The following GAB1 variants were observed in gnomAD, a reference collection of about 807,000 sequenced individuals.
GAB1 encodes the protein GRB2 associated binding protein 1.
Under a neutral mutation model 66.5 loss-of-function variants are expected in GAB1, and 19 were observed. The ratio of observed to expected loss-of-function variants is 0.29; its 90% CI spans 0.20 to 0.42. The LOEUF is 0.42. Among genes scored for constraint, GAB1 ranks in the 10% least tolerant of loss-of-function variants. GAB1 has a pLI of 1.00. For missense variants in GAB1, 732 were observed against 858.5 expected (o/e 0.85, Z 1.84); for synonymous variants, 294 against 301.4 (o/e 0.98, Z 0.25).
chr4:143,439,572 C>T, intron 4 of GAB1: 1 of 451,074 alleles, frequency 2.2e-6, no homozygotes, highest in Non-Finnish European at 4.0e-6. Context: ...CATTCACTCA[C>T]ACTCAAAATT....
At chr4:143,400,119 T>A (rs1731689043) in intron 1 of GAB1, among the ~76,000 whole-genome samples, 1 of 152,102 alleles carries the variant, frequency 6.6e-6, no homozygotes, top group African/African-American at 2.4e-5. Context: ...TGTTTTGTAT[T>A]TTTAGTAGAG....
intron 6 of GAB1, among the ~76,000 whole-genome samples, chr4:143,441,899 T>G (rs2149761174): frequency 6.6e-6 from 1 of 152,310 alleles, no homozygotes. Flanking sequence ...CACTTTAGAT[T>G]GCTTAGAGAT....
At chr4:143,468,209 T>C (rs796948216) in intron 9 of GAB1, among the ~76,000 whole-genome samples, 3 of 50,974 alleles carry the variant, frequency 5.9e-5, no homozygotes, top group African/African-American at 2.9e-4. Flanking sequence ...GTTTGAATTC[T>C]TTTTTTTTTT....
At position 143,456,451 on chromosome 4, in the gene GAB1, C is replaced by T. The variant is rs532466370; in HGVS notation, c.1586-2934C>T. 3.4e-3 allele frequency among the ~76,000 whole-genome samples: 322 copies of T among 94,888 alleles called. 1 individual carries two copies. Among genetic ancestry groups the T allele is most frequent in the Admixed American group, 4.4e-3 (47 of 10,598 alleles). 62.3% of individuals were successfully genotyped at this position (94,888 alleles called of 152,430 possible). A position where few individuals can be genotyped will look rare whatever the true frequency, so the allele number is the denominator to read the frequency against. On this transcript the variant is annotated intron_variant, in intron 6 of 9. Transcript: ENST00000262994. ...TAGCCTGGGCGACTGAGAGAGACTC[C>T]GTCTCAAAAAAAAAAAAAAAGTTGT...
chr4:143,440,395 T>G lies in GAB1; in HGVS notation c.1585+13T>G, dbSNP rs897488918. On this transcript the variant is annotated intron_variant, in intron 6 of 9. Coordinates refer to ENST00000262994, the MANE Select transcript of GAB1 (RefSeq NM_002039.4). ...CCAGACAGAAAAGGTAAGGAGAGCATGGCAAAGTAAAAGGCTTGGGGAGTG... is the reference window on the plus strand; with the variant it reads ...CCAGACAGAAAAGGTAAGGAGAGCAGGGCAAAGTAAAAGGCTTGGGGAGTG... The G allele has an allele frequency of 1.9e-6, 3 of 1,585,516 alleles. No individual in the cohort carries two copies. Among genetic ancestry groups the G allele is most frequent in the Non-Finnish European group, 1.7e-6 (2 of 1,166,846 alleles).
chr4:143,468,146 C>T lies in GAB1; in HGVS notation c.1927-885C>T, dbSNP rs187882920. Among the ~76,000 whole-genome samples, 3 of 150,086 alleles carry T rather than the reference C, an allele frequency of 2.0e-5. No individual in the cohort carries two copies. In the East Asian group the frequency reaches 5.9e-4, roughly 30 times the overall value. On this transcript the variant is annotated intron_variant, in intron 9 of 9. Coordinates refer to ENST00000262994, the MANE Select transcript of GAB1 (RefSeq NM_002039.4). The stretch of plus-strand genomic sequence containing the variant: ...TCAGGTTGTCTATGTTAAGATGAAA[C>T]AGGCATCTGCTGTCCCTATTTTTTA...
At chr4:143,427,315 C>T (rs998980574) in intron 2 of GAB1, among the ~76,000 whole-genome samples, 30 of 152,110 alleles carry the variant, frequency 2.0e-4, no homozygotes, top group Admixed American at 1.8e-3. Flanking sequence ...AGTCAGATCC[C>T]CCTCAGAGGC....
rs1735952214 is a variant in GAB1 at position 143,469,028 on chromosome 4, T to C, written c.1927-3T>C. 6.2e-7 allele frequency: 1 copy of C among 1,613,238 alleles called. No homozygotes were observed. Among genetic ancestry groups the C allele is most frequent in the Non-Finnish European group, 8.5e-7 (1 of 1,179,512 alleles). On this transcript the variant is annotated splice_polypyrimidine_tract_variant and splice_region_variant and intron_variant, in intron 9 of 9. Transcript: ENST00000262994. ...GACTTTTTGTTTTTTCTTTGTGTTTTAGCAAAAGAGCAGTGGCTCAGGCAG... is the reference window on the plus strand; with the variant it reads ...GACTTTTTGTTTTTTCTTTGTGTTTCAGCAAAAGAGCAGTGGCTCAGGCAG...
intron 8 of GAB1, 124 bp downstream of exon 8, chr4:143,460,611 A>G: frequency 1.2e-6 from 1 of 813,288 alleles, no homozygotes; most frequent in South Asian, 2.5e-5. Flanking sequence ...GTAAAAGACA[A>G]CTTTTAAAAA....
At chr4:143,411,419 G>T (rs1212601996) in intron 1 of GAB1, among the ~76,000 whole-genome samples, 2 of 152,160 alleles carry the variant, frequency 1.3e-5, no homozygotes, top group African/African-American at 4.8e-5. Context: ...GCAAATTTCA[G>T]CTTCTTCATT....
chr4:143,373,044 A>ACACACACACACAC (rs1560725364), intron 1 of GAB1, among the ~76,000 whole-genome samples: 26 of 148,264 alleles, frequency 1.8e-4, no homozygotes, highest in Non-Finnish European at 3.3e-4. Flanking sequence ...TTCCTTTAAA[A>ACACACACACACAC]ACACACACAC....
Position 143,438,066 on chromosome 4 carries a change from A to T in GAB1, c.661A>T (p.Lys221Ter). The T allele has an allele frequency of 1.2e-6, 2 of 1,614,098 alleles. No individual in the cohort carries two copies. Among genetic ancestry groups the T allele is most frequent in the Non-Finnish European group, 1.7e-6 (2 of 1,179,980 alleles). Residue 221 changes from lysine to a stop codon, truncating the protein, a stop_gained, in exon 4 of 10, where the codon AAA becomes TAA. Transcript: ENST00000262994. LOFTEE classifies it high-confidence loss of function. ...CTGCAATGATAACGTCCCTTCTCAT[A>T]AAAATCCTGCTTCCTCCCAGAGCAA... is the stretch of plus-strand genomic sequence containing the variant. The part of the protein sequence containing the change: ...TDCNDNVPSH[K>*]NPASSQSKHG...
intron 1 of GAB1, among the ~76,000 whole-genome samples, chr4:143,392,564 A>G (rs1175741489): frequency 1.3e-5 from 2 of 152,160 alleles, no homozygotes; most frequent in African/African-American, 4.8e-5. Flanking sequence ...GTGACATGTT[A>G]AGAGTAGGAC....
At chr4:143,391,472 A>C (rs1731183096) in intron 1 of GAB1, 1 of 152,248 alleles carries the variant, frequency 6.6e-6, no homozygotes, top group South Asian at 2.1e-4. Flanking sequence ...AGAAAGGCTT[A>C]CTACAGTTAG....
intron 6 of GAB1, among the ~76,000 whole-genome samples, chr4:143,450,138 TG>T (rs1734833692): frequency 6.6e-6 from 1 of 152,196 alleles, no homozygotes; most frequent in African/African-American, 2.4e-5. Flanking sequence ...AGAGCCTTAA[TG>T]TGGGGTTTTT....
At chr4:143,349,831 A>G in intron 1 of GAB1, 1 of 1,585,244 alleles carries the variant, frequency 6.3e-7, no homozygotes, top group South Asian at 1.1e-5. Flanking sequence ...CACTGGCATA[A>G]TCTTCAAAAC....
At chr4:143,358,194 C>T (rs898957349) in intron 1 of GAB1, among the ~76,000 whole-genome samples, 1 of 152,106 alleles carries the variant, frequency 6.6e-6, no homozygotes, top group Non-Finnish European at 1.5e-5. Context: ...TTTTGTTGCT[C>T]TTAAATGATT....
At chr4:143,338,903 A>G (rs1728743390) in intron 1 of GAB1, among the ~76,000 whole-genome samples, 1 of 152,200 alleles carries the variant, frequency 6.6e-6, no homozygotes, top group African/African-American at 2.4e-5. Flanking sequence ...TTCATGGCTC[A>G]CTCAAAAGAC....
Position 143,446,294 on chromosome 4 carries a change from T to A in GAB1, c.1585+5912T>A, listed in dbSNP as rs1734526904. 2.0e-5 allele frequency among the ~76,000 whole-genome samples: 3 copies of A among 152,196 alleles called. No homozygotes were observed. The South Asian group carries it at 6.2e-4, about 31-fold the overall frequency. ...TTTATAGCAGCATGATTTATAGTCC[T>A]TTGGGTATATACCCAGTAATGGGAT... On this transcript the variant is annotated intron_variant, in intron 6 of 9. Coordinates refer to ENST00000262994, the MANE Select transcript of GAB1 (RefSeq NM_002039.4).
Sources: allele counts gnomAD v4.1 joint callset (sites outside exome capture counted in the v4.1 genomes callset), GRCh38; gene constraint gnomAD v4.1.1; transcripts MANE v1.5; gene names NCBI Gene and HGNC (gene_info 2026-07-23, HGNC 2026-07-21).